CCDC141: variants seen among roughly 807,000 people sequenced by gnomAD.
CCDC141 encodes the protein coiled-coil domain-containing protein 141.
A neutral mutation model predicts 181.0 loss-of-function variants in CCDC141; 168 were observed. That is an observed-to-expected ratio of 0.93 (90% CI 0.82 to 1.05). The LOEUF (loss-of-function observed/expected upper bound fraction) is 1.05. Among genes scored for constraint, CCDC141 ranks in the 50% least tolerant of loss-of-function variants. The probability of loss-of-function intolerance (pLI) is 0.00; values close to 1 mark genes in which losing one functional copy is unlikely to be tolerated. For missense variants in CCDC141, 1,902 were observed against 1,788.5 expected (o/e 1.06, Z -1.14); for synonymous variants, 666 against 642.3 (o/e 1.04, Z -0.56).
chr2:178,844,415 C>T (rs752200904), intron 22 of CCDC141, among the ~76,000 whole-genome samples: 34 of 152,142 alleles, frequency 2.2e-4, no homozygotes, highest in Non-Finnish European at 4.3e-4. Flanking sequence ...AGAGAATTCT[C>T]TGGCCAAAAT....
intron 6 of CCDC141, among the ~76,000 whole-genome samples, chr2:178,927,401 C>T (rs138173678): frequency 5.9e-5 from 9 of 152,062 alleles, no homozygotes; most frequent in East Asian, 1.9e-4. Context: ...TCTGAGAAGC[C>T]GTCTTATTGG....
intron 2 of CCDC141, among the ~76,000 whole-genome samples, chr2:179,000,125 G>A (rs1417148464): frequency 1.3e-5 from 2 of 150,110 alleles, no homozygotes; most frequent in Non-Finnish European, 3.0e-5. Context: ...ATAGATCATG[G>A]ATCAACAAAC....
At chr2:179,012,463 T>C (rs1311115207) in intron 2 of CCDC141, among the ~76,000 whole-genome samples, 1 of 151,986 alleles carries the variant, frequency 6.6e-6, no homozygotes, top group Non-Finnish European at 1.5e-5. Context: ...AGCAGTGAGA[T>C]TGAAATGGTA....
intron 4 of CCDC141, among the ~76,000 whole-genome samples, chr2:178,972,011 C>CAT (rs1269840580): frequency 6.6e-6 from 1 of 151,688 alleles, no homozygotes; most frequent in Non-Finnish European, 1.5e-5. Context: ...CACCATGGCA[C>CAT]ATATATACCT....
At chr2:179,005,415 C>G (rs538429884) in intron 2 of CCDC141, among the ~76,000 whole-genome samples, 1 of 152,024 alleles carries the variant, frequency 6.6e-6, no homozygotes, top group East Asian at 1.9e-4. Flanking sequence ...GAGGAAAAGA[C>G]AGCAAATTAA....
chr2:178,968,557 G>A (rs992092433), intron 4 of CCDC141, among the ~76,000 whole-genome samples: 9 of 152,136 alleles, frequency 5.9e-5, no homozygotes, highest in Admixed American at 3.3e-4. Context: ...AAAACACAAC[G>A]TACCAGAATC....
Position 178,834,227 on chromosome 2 carries a change from G to C in CCDC141, c.4539C>G (p.Thr1513=), listed in dbSNP as rs1324936014. 4 of 1,536,212 alleles carry C rather than the reference G, an allele frequency of 2.6e-6. No individual in the cohort carries two copies. Among genetic ancestry groups the C allele is most frequent in the Non-Finnish European group, 3.5e-6 (4 of 1,146,850 alleles). ...ACACACTAACATAGACGACACACAG[G>C]GTTATCCAGTTTACTCTTGTGATTG... is the stretch of plus-strand genomic sequence containing the variant. ...RLPITRVNWI[T]LCVVYVSVSL... Residue 1513 remains threonine (T), a synonymous_variant, in exon 24 of 24, where the codon ACC becomes ACG. Coordinates refer to ENST00000443758, the MANE Select transcript of CCDC141 (RefSeq NM_173648.4).
At chr2:178,946,367 C>T (rs1245026309) in intron 5 of CCDC141, among the ~76,000 whole-genome samples, 1 of 151,922 alleles carries the variant, frequency 6.6e-6, no homozygotes, top group South Asian at 2.1e-4. Flanking sequence ...AATTTTCTCC[C>T]AAAAATTCAG....
intron 2 of CCDC141, among the ~76,000 whole-genome samples, chr2:179,034,261 C>T (rs578129730): frequency 2.6e-5 from 4 of 152,194 alleles, no homozygotes; most frequent in East Asian, 1.9e-4. Flanking sequence ...CCAAATTTTG[C>T]GTGTTCTCAC....
In CCDC141 at chr2:178,924,131, G is replaced by A. The variant is rs149898212; in HGVS notation, c.898-5224C>T. ...ATTCAACATCAGGTGGTAAATTTTC[G>A]TTATAAGCTTGACTTCAGAATATAA... On this transcript the variant is annotated intron_variant, in intron 6 of 23. Coordinates refer to ENST00000443758, the MANE Select transcript of CCDC141 (RefSeq NM_173648.4). Among the ~76,000 whole-genome samples, 66 of 152,256 alleles carry A rather than the reference G, an allele frequency of 4.3e-4. No individual in the cohort carries two copies. The East Asian group carries it at 0.011, about 24-fold the overall frequency.
At chr2:179,032,586 A>G (rs1261125400) in intron 2 of CCDC141, among the ~76,000 whole-genome samples, 1 of 152,150 alleles carries the variant, frequency 6.6e-6, no homozygotes, top group Non-Finnish European at 1.5e-5. Flanking sequence ...GCAAGGACAT[A>G]TGAAAACACT....
chr2:178,963,077 G>A (rs1471884636), intron 4 of CCDC141, among the ~76,000 whole-genome samples: 1 of 152,230 alleles, frequency 6.6e-6, no homozygotes, highest in East Asian at 1.9e-4. Context: ...TTAGCACAGT[G>A]ACTGGCACAG....
At chr2:178,986,681 A>C (rs1179518743) in intron 2 of CCDC141, among the ~76,000 whole-genome samples, 1 of 151,868 alleles carries the variant, frequency 6.6e-6, no homozygotes, top group East Asian at 1.9e-4. Context: ...CAACAGACAA[A>C]CAGAGAGCCA....
At chr2:178,966,045 G>A (rs766865302) in intron 4 of CCDC141, among the ~76,000 whole-genome samples, 2 of 152,190 alleles carry the variant, frequency 1.3e-5, no homozygotes, top group Admixed American at 6.5e-5. Context: ...GCTCAGCAAC[G>A]CTGCTGTGGC....
At chr2:179,022,492 C>A (rs763691716) in intron 2 of CCDC141, among the ~76,000 whole-genome samples, 1 of 152,148 alleles carries the variant, frequency 6.6e-6, no homozygotes, top group African/African-American at 2.4e-5. Flanking sequence ...CTCTTCCCTG[C>A]CCCAAACACT....
At chr2:178,872,479 C>T (rs1256813690) in intron 12 of CCDC141, among the ~76,000 whole-genome samples, 167 bp from the exon 13 acceptor site, 1 of 152,122 alleles carries the variant, frequency 6.6e-6, no homozygotes, top group Non-Finnish European at 1.5e-5. Context: ...GTTCAGCTCT[C>T]GGAACCACAT....
rs1410620148 is a variant in CCDC141 at position 178,978,584 on chromosome 2, G to A, written c.317C>T (p.Ala106Val). The A allele has an allele frequency of 1.3e-6, 2 of 1,549,892 alleles. No homozygotes were observed. Among genetic ancestry groups the A allele is most frequent in the Non-Finnish European group, 1.7e-6 (2 of 1,146,640 alleles). ...KDQSQVYDAMAETLGEAWAAL... is the reference protein window; with the variant it reads ...KDQSQVYDAMVETLGEAWAAL... ...TGCCCATGCTTCACCCAGAGTCTCGGCCATGGCATCATAGACCTGACTCTG... is the reference window on the plus strand; with the variant it reads ...TGCCCATGCTTCACCCAGAGTCTCGACCATGGCATCATAGACCTGACTCTG... The change falls in exon 3 of 24, where the codon GCC (alanine) becomes GTC (valine). Residue 106 changes from alanine (A) to valine (V), a missense_variant. Physicochemically the swap from Ala to Val is moderately conservative, Grantham distance 64. Coordinates refer to ENST00000443758, the MANE Select transcript of CCDC141 (RefSeq NM_173648.4).
At position 179,049,857 on chromosome 2, in the gene CCDC141, C is replaced by T. The variant is rs745674534; in HGVS notation, c.85G>A (p.Val29Ile). 2.4e-5 allele frequency: 37 copies of T among 1,550,616 alleles called. No homozygotes were observed. Among genetic ancestry groups the T allele is most frequent in the South Asian group, 1.5e-4 (13 of 84,060 alleles). Residue 29 changes from valine (V) to isoleucine (I), a missense_variant, in exon 1 of 24, where the codon GTT becomes ATT. By Grantham distance (29) the Val-to-Ile change is conservative. Transcript: ENST00000443758. ...TAGCTTACCTTTATGACAGCTATAACGATTTTGGAGTCCCCAGCCTGCACA... is the reference window on the plus strand; with the variant it reads ...TAGCTTACCTTTATGACAGCTATAATGATTTTGGAGTCCCCAGCCTGCACA... The part of the protein sequence containing the change: ...VAVQAGDSKI[V>I]IAVIKCGKWV...
rs11903490 is a variant in CCDC141 at position 178,951,351 on chromosome 2, A to G, written c.781-6700T>C. Among the ~76,000 whole-genome samples the G allele has an allele frequency of 8.0e-4, 122 of 152,350 alleles. 1 individual carries two copies. The highest frequency in any genetic ancestry group is 2.6e-3 in the African/African-American group (109 of 41,586). On this transcript the variant is annotated intron_variant, in intron 5 of 23. Coordinates refer to ENST00000443758, the MANE Select transcript of CCDC141 (RefSeq NM_173648.4). ...TACTTAGGAGTGGGACCAAAGTTTG[A>G]CATTTTCATTTTACCTTTCCAGTTC...
Sources: gnomAD v4.1 joint callset for allele counts (sites outside exome capture counted in the v4.1 genomes callset) on GRCh38, gnomAD v4.1.1 for gene constraint, MANE v1.5 for transcripts, NCBI Gene and HGNC (gene_info 2026-07-23, HGNC 2026-07-21) for gene names.